The following ADAMTSL1 variants were observed in gnomAD, a reference collection of about 807,000 sequenced individuals.
ADAMTSL1 encodes the protein ADAMTS like 1, also known as ADAMTS-like protein 1.
Under a neutral mutation model 201.8 loss-of-function variants are expected in ADAMTSL1, and 126 were observed. The observed-to-expected ratio is 0.62, with a 90% CI of 0.54 to 0.72. The LOEUF is 0.72. Ranked by LOEUF, ADAMTSL1 falls within the 30% of genes least tolerant of loss-of-function variation. The pLI is 0.00. For synonymous variants in ADAMTSL1, 1,121 were observed against 903.4 expected (o/e 1.24, Z -4.32); for missense variants, 2,679 against 2,277.8 (o/e 1.18, Z -3.59).
intron 4 of ADAMTSL1, among the ~76,000 whole-genome samples, chr9:18,585,131 G>A (rs967256162): frequency 6.6e-5 from 10 of 152,034 alleles, no homozygotes; most frequent in South Asian, 6.2e-4. Context: ...TTTTGTCACC[G>A]TAGCTGGGTC....
At chr9:18,358,496 A>G (rs1430368931) in intron 2 of ADAMTSL1, among the ~76,000 whole-genome samples, 1 of 152,146 alleles carries the variant, frequency 6.6e-6, no homozygotes, top group African/African-American at 2.4e-5. Flanking sequence ...CCAAAGAGAA[A>G]TCTCATACCC....
At chr9:18,100,485 C>T (rs932046545) in intron 1 of ADAMTSL1, among the ~76,000 whole-genome samples, 1 of 152,168 alleles carries the variant, frequency 6.6e-6, no homozygotes, top group African/African-American at 2.4e-5. Flanking sequence ...CCTGAACTTT[C>T]AGAAGGATTC....
intron 3 of ADAMTSL1, among the ~76,000 whole-genome samples, chr9:18,533,962 T>C (rs926770103): frequency 1.3e-5 from 2 of 152,156 alleles, no homozygotes; most frequent in Non-Finnish European, 2.9e-5. Context: ...TGACAGTCAG[T>C]CCAATGGAGA....
At chr9:18,431,526 A>T (rs922396420) in intron 2 of ADAMTSL1, among the ~76,000 whole-genome samples, 4 of 152,260 alleles carry the variant, frequency 2.6e-5, no homozygotes, top group African/African-American at 9.6e-5. Flanking sequence ...TATACTAGAA[A>T]CTCAAAATCT....
At chr9:18,770,214 T>G (rs1012009228) in intron 16 of ADAMTSL1, among the ~76,000 whole-genome samples, 19 of 152,200 alleles carry the variant, frequency 1.2e-4, no homozygotes, top group Non-Finnish European at 7.3e-5. Context: ...TGGCGGGAGC[T>G]CTCTCCTGTT....
intron 2 of ADAMTSL1, among the ~76,000 whole-genome samples, chr9:18,529,414 T>A (rs1819298833): frequency 1.3e-5 from 2 of 152,204 alleles, no homozygotes; most frequent in Non-Finnish European, 2.9e-5. Context: ...TTTCTTATTG[T>A]TTGATAGACT....
intron 23 of ADAMTSL1, among the ~76,000 whole-genome samples, chr9:18,886,166 G>GTATGTATATATATATATATA (rs55916376): frequency 1.6e-4 from 6 of 37,134 alleles, no homozygotes; most frequent in Non-Finnish European, 1.9e-4. Flanking sequence ...GTGTGTATGT[G>GTATGTATATATATATATATA]TATATATATA....
chr9:18,405,096 T>C (rs1230608264), intron 2 of ADAMTSL1, among the ~76,000 whole-genome samples: 1 of 152,178 alleles, frequency 6.6e-6, no homozygotes, highest in Non-Finnish European at 1.5e-5. Context: ...TCCAGCCTCA[T>C]GATGTAAGAG....
intron 1 of ADAMTSL1, among the ~76,000 whole-genome samples, chr9:17,993,978 C>T (rs1433127598): frequency 2.0e-5 from 3 of 151,990 alleles, no homozygotes; most frequent in Non-Finnish European, 2.9e-5. Context: ...TCTCTGGAAA[C>T]TACCTTATGT....
At chr9:18,728,925 A>G (rs569818879) in intron 15 of ADAMTSL1, among the ~76,000 whole-genome samples, 1 of 152,364 alleles carries the variant, frequency 6.6e-6, no homozygotes, top group African/African-American at 2.4e-5. Context: ...TTAGAGAAAG[A>G]TGAGTCTGGC....
At chr9:18,882,226 A>G (rs1312283397) in intron 23 of ADAMTSL1, among the ~76,000 whole-genome samples, 1 of 152,090 alleles carries the variant, frequency 6.6e-6, no homozygotes, top group Non-Finnish European at 1.5e-5. Flanking sequence ...TTCCCTGACA[A>G]ATGTGCTTAG....
At chr9:18,189,136 G>A (rs1241160975) in intron 2 of ADAMTSL1, among the ~76,000 whole-genome samples, 1 of 152,152 alleles carries the variant, frequency 6.6e-6, no homozygotes, top group Non-Finnish European at 1.5e-5. Context: ...CAGGCGTTAA[G>A]AGGAAGGAAT....
intron 1 of ADAMTSL1, among the ~76,000 whole-genome samples, chr9:18,073,454 A>G (rs1823054378): frequency 6.6e-6 from 1 of 152,198 alleles, no homozygotes. Context: ...AGTATTTTTC[A>G]TGTGTACTTT....
intron 1 of ADAMTSL1, among the ~76,000 whole-genome samples, chr9:17,926,648 T>G (rs2131306766): frequency 6.6e-6 from 1 of 152,354 alleles, no homozygotes; most frequent in East Asian, 1.9e-4. Flanking sequence ...GTGCTTTTGC[T>G]CACATACTAT....
intron 20 of ADAMTSL1, 33 bp downstream of exon 20, chr9:18,795,557 T>C (rs777270790): frequency 6.4e-7 from 1 of 1,572,748 alleles, no homozygotes; most frequent in Non-Finnish European, 8.6e-7. Context: ...GTTCATTTCA[T>C]AAACCTTTAT....
rs1021723473 is a variant in ADAMTSL1 at position 18,753,158 on chromosome 9, T to A, written c.2007-140T>A. On this transcript the variant is annotated intron_variant, in intron 15 of 28. Coordinates refer to ENST00000380548, the MANE Select transcript of ADAMTSL1 (RefSeq NM_001040272.6). The stretch of plus-strand genomic sequence containing the variant: ...TAAGGGAGAGGATAGATTCTAGGCT[T>A]AAGATAGAGCTGCCAGCCAATCTTG... The A allele has an allele frequency of 6.7e-5, 52 of 772,892 alleles. 2 individuals are homozygous for A. Among genetic ancestry groups the A allele is most frequent in the Admixed American group, 4.0e-4 (20 of 49,606 alleles). The allele number at this position is 772,892 out of a possible 1,614,324, so 47.9% of individuals were successfully genotyped here.
intron 2 of ADAMTSL1, among the ~76,000 whole-genome samples, chr9:18,426,171 G>T (rs1819211445): frequency 6.7e-6 from 1 of 149,754 alleles, no homozygotes; most frequent in African/African-American, 2.6e-5. Context: ...GGCACTACTT[G>T]GTTAAGAAAA....
At chr9:18,514,134 T>G (rs1818212312) in intron 2 of ADAMTSL1, among the ~76,000 whole-genome samples, 1 of 152,182 alleles carries the variant, frequency 6.6e-6, no homozygotes. Flanking sequence ...ATGGAAGGTT[T>G]TACCATTTAT....
At chr9:18,453,675 C>T (rs959481939) in intron 2 of ADAMTSL1, among the ~76,000 whole-genome samples, 8 of 152,280 alleles carry the variant, frequency 5.3e-5, no homozygotes, top group African/African-American at 1.9e-4. Context: ...CCTAGTTTAT[C>T]ACTCTTAAAT....
Sources: allele counts gnomAD v4.1 joint callset (sites outside exome capture counted in the v4.1 genomes callset), GRCh38; gene constraint gnomAD v4.1.1; transcripts MANE v1.5; gene names NCBI Gene and HGNC (gene_info 2026-07-23, HGNC 2026-07-21).